WWOX: variants seen among roughly 807,000 people sequenced by gnomAD.
WWOX encodes WW domain-containing oxidoreductase.
A neutral mutation model predicts 46.2 loss-of-function variants in WWOX; 69 were observed. The ratio of observed to expected loss-of-function variants is 1.49; its 90% CI spans 1.23 to 1.82. The LOEUF (loss-of-function observed/expected upper bound fraction) is 1.82. WWOX is among the 40% of genes most tolerant of loss of function. The probability of loss-of-function intolerance (pLI) is 0.00; values close to 1 mark genes in which losing one functional copy is unlikely to be tolerated. For missense variants in WWOX, 919 were observed against 542.6 expected, an observed-to-expected ratio of 1.69 and a Z score of -6.89; for synonymous variants, 359 against 202.6, an observed-to-expected ratio of 1.77 and a Z score of -6.56.
At chr16:78,863,309 C>A (rs1394798593) in intron 8 of WWOX, among the ~76,000 whole-genome samples, 1 of 152,202 alleles carries the variant, frequency 6.6e-6, no homozygotes, top group Non-Finnish European at 1.5e-5. Context: ...GCAGTACATT[C>A]TCTACTTAGT....
chr16:78,641,514 C>G (rs943201079), intron 8 of WWOX, among the ~76,000 whole-genome samples: 1 of 152,182 alleles, frequency 6.6e-6, no homozygotes, highest in African/African-American at 2.4e-5. Context: ...CAACTGCAGA[C>G]TCAATCAAAT....
At chr16:78,385,526 C>T (rs1033680295) in intron 5 of WWOX, among the ~76,000 whole-genome samples, 2 of 152,132 alleles carry the variant, frequency 1.3e-5, no homozygotes, top group African/African-American at 2.4e-5. Context: ...AGTGTGTTTT[C>T]TAGCTGTCAC....
At chr16:79,058,835 T>C (rs1225863337) in intron 8 of WWOX, among the ~76,000 whole-genome samples, 1 of 152,238 alleles carries the variant, frequency 6.6e-6, no homozygotes, top group African/African-American at 2.4e-5. Flanking sequence ...ATGAAGATTG[T>C]GTATTTTTAT....
At chr16:78,291,590 A>C (rs958496308) in intron 5 of WWOX, among the ~76,000 whole-genome samples, 3 of 152,260 alleles carry the variant, frequency 2.0e-5, no homozygotes, top group African/African-American at 7.2e-5. Context: ...TTAGAAGTTG[A>C]CCATGAAAAT....
At chr16:79,126,542 C>A (rs1225426055) in intron 8 of WWOX, among the ~76,000 whole-genome samples, 1 of 152,106 alleles carries the variant, frequency 6.6e-6, no homozygotes, top group South Asian at 2.1e-4. Context: ...TCTTGCTTCC[C>A]CTTCGTCTTC....
chr16:79,173,741 C>A lies in WWOX; in HGVS notation c.1057-37867C>A, dbSNP rs141645831. 8.8e-3 allele frequency among the ~76,000 whole-genome samples: 1,339 copies of A among 151,510 alleles called. 22 individuals carry two copies. The highest frequency in any genetic ancestry group is 0.031 in the African/African-American group (1,269 of 41,314). On this transcript the variant is annotated intron_variant, in intron 8 of 8. Transcript: ENST00000566780. ...CATAGTATATTCACTTAATGGAATA[C>A]TAGGTAGCCACTAAAATAAAATGAC...
intron 8 of WWOX, among the ~76,000 whole-genome samples, chr16:78,862,248 G>T (rs548176164): frequency 6.6e-6 from 1 of 150,818 alleles, no homozygotes; most frequent in Admixed American, 6.6e-5. Flanking sequence ...ACACCTATGG[G>T]TGTGTCTGTC....
At chr16:78,627,931 T>C (rs1179303071) in intron 8 of WWOX, among the ~76,000 whole-genome samples, 1 of 152,244 alleles carries the variant, frequency 6.6e-6, no homozygotes, top group Non-Finnish European at 1.5e-5. Context: ...AATCTTGTTT[T>C]CTGCCTTGAG....
chr16:78,849,216 T>C (rs944102071), intron 8 of WWOX, among the ~76,000 whole-genome samples: 1 of 152,130 alleles, frequency 6.6e-6, no homozygotes, highest in Non-Finnish European at 1.5e-5. Context: ...CACTCACCTT[T>C]GGGCATGTTG....
chr16:78,713,796 C>T (rs2048500117), intron 8 of WWOX, among the ~76,000 whole-genome samples: 1 of 152,154 alleles, frequency 6.6e-6, no homozygotes, highest in South Asian at 2.1e-4. Flanking sequence ...TAGTCTGTCA[C>T]ATTTTCTTAT....
intron 8 of WWOX, among the ~76,000 whole-genome samples, chr16:78,661,969 G>T (rs968467210): frequency 6.6e-6 from 1 of 152,130 alleles, no homozygotes; most frequent in Non-Finnish European, 1.5e-5. Context: ...ATTTGAGCCC[G>T]GTAGATGGAG....
intron 6 of WWOX, among the ~76,000 whole-genome samples, chr16:78,419,823 C>T (rs2082881557): frequency 6.6e-6 from 1 of 151,946 alleles, no homozygotes; most frequent in South Asian, 2.1e-4. Flanking sequence ...AGTGTTTGTG[C>T]TGCAAATGAT....
chr16:78,698,051 G>A (rs1373433967), intron 8 of WWOX, among the ~76,000 whole-genome samples: 2 of 152,290 alleles, frequency 1.3e-5, no homozygotes, highest in Non-Finnish European at 1.5e-5. Context: ...AATTATAAAT[G>A]CTACTTAAAA....
intron 8 of WWOX, among the ~76,000 whole-genome samples, chr16:78,553,632 C>G (rs138358398): frequency 6.6e-6 from 1 of 152,174 alleles, no homozygotes; most frequent in East Asian, 1.9e-4. Flanking sequence ...GTATGGCGCC[C>G]TAATAGAAGG....
intron 8 of WWOX, among the ~76,000 whole-genome samples, chr16:78,709,777 G>A (rs1432755121): frequency 6.7e-6 from 1 of 149,004 alleles, no homozygotes; most frequent in Admixed American, 6.7e-5. Flanking sequence ...CACCCACGCT[G>A]GAGTGCAGTG....
chr16:79,014,664 C>G (rs922288678), intron 8 of WWOX, among the ~76,000 whole-genome samples: 2 of 152,102 alleles, frequency 1.3e-5, no homozygotes, highest in African/African-American at 4.8e-5. Context: ...GTCACTGCAG[C>G]AAAGGGGACA....
At chr16:78,996,197 T>C in intron 8 of WWOX, 1 of 984,180 alleles carries the variant, frequency 1.0e-6, no homozygotes, top group African/African-American at 1.7e-5. Flanking sequence ...AAAATCTCCA[T>C]TTAGAAATTT....
intron 8 of WWOX, among the ~76,000 whole-genome samples, chr16:79,136,726 A>C (rs2049988371): frequency 6.6e-6 from 1 of 152,232 alleles, no homozygotes; most frequent in African/African-American, 2.4e-5. Flanking sequence ...TTATGTGGCT[A>C]AGCCTCAGCT....
intron 5 of WWOX, among the ~76,000 whole-genome samples, chr16:78,244,708 A>T (rs1334561879): frequency 6.6e-6 from 1 of 152,214 alleles, no homozygotes; most frequent in African/African-American, 2.4e-5. Flanking sequence ...GCCTTCGAGC[A>T]GTAGCAACAC....
Sources: gnomAD v4.1 joint callset for allele counts (sites outside exome capture counted in the v4.1 genomes callset) on GRCh38, gnomAD v4.1.1 for gene constraint, MANE v1.5 for transcripts, NCBI Gene and HGNC (gene_info 2026-07-23, HGNC 2026-07-21) for gene names.